ARHGAP44: variants seen among roughly 807,000 people sequenced by gnomAD.
ARHGAP44 encodes Rho GTPase activating protein 44.
In ARHGAP44, 43 loss-of-function variants were observed where a neutral mutation model predicts 106.8. The observed-to-expected ratio is 0.40, with a 90% CI of 0.32 to 0.52. ARHGAP44 has a LOEUF of 0.52. ARHGAP44 is among the 20% of genes least tolerant of loss of function. ARHGAP44 has a pLI of 0.48. For missense variants in ARHGAP44, 866 were observed against 1,050.5 expected, an observed-to-expected ratio of 0.82 and a Z score of 2.43; for synonymous variants, 439 against 410.3, an observed-to-expected ratio of 1.07 and a Z score of -0.85.
chr17:12,897,128 A>T (rs2037229235), intron 3 of ARHGAP44, among the ~76,000 whole-genome samples: 2 of 152,090 alleles, frequency 1.3e-5, no homozygotes, highest in South Asian at 4.2e-4. Context: ...TCTTGACCCC[A>T]TCCCTCTCAG....
At chr17:12,883,146 T>C (rs2036786010) in intron 1 of ARHGAP44, among the ~76,000 whole-genome samples, 3 of 150,026 alleles carry the variant, frequency 2.0e-5, no homozygotes, top group Admixed American at 1.3e-4. Flanking sequence ...TGTCTTGCTT[T>C]TGTTTTTCTA....
chr17:12,966,893 C>T (rs1000574682), intron 16 of ARHGAP44, among the ~76,000 whole-genome samples: 1 of 152,150 alleles, frequency 6.6e-6, no homozygotes, highest in Non-Finnish European at 1.5e-5. Context: ...TTCAGAGGTC[C>T]GTTCTGCTAA....
chr17:12,883,355 T>A (rs2036792030), intron 1 of ARHGAP44, among the ~76,000 whole-genome samples: 1 of 151,636 alleles, frequency 6.6e-6, no homozygotes, highest in South Asian at 2.1e-4. Flanking sequence ...TTAACCTATA[T>A]GATTTTTACT....
intron 2 of ARHGAP44, among the ~76,000 whole-genome samples, chr17:12,895,346 C>T (rs1202603754): frequency 2.0e-5 from 3 of 152,084 alleles, no homozygotes; most frequent in Admixed American, 6.6e-5. Context: ...ACAGTTAGCC[C>T]GAGGGTCCTG....
At chr17:12,817,013 C>G (rs1016180091) in intron 1 of ARHGAP44, among the ~76,000 whole-genome samples, 2 of 152,104 alleles carry the variant, frequency 1.3e-5, no homozygotes, top group African/African-American at 4.8e-5. Flanking sequence ...TGACTATATC[C>G]TCATCCATAA....
At chr17:12,827,421 T>G (rs931213194) in intron 1 of ARHGAP44, among the ~76,000 whole-genome samples, 14 of 152,212 alleles carry the variant, frequency 9.2e-5, no homozygotes, top group Non-Finnish European at 1.3e-4. Context: ...TTTATGAATG[T>G]CAAATAAAAA....
At position 12,801,547 on chromosome 17, in the gene ARHGAP44, A is replaced by G. The variant is rs540862413; in HGVS notation, c.53+11656A>G. ...ACTTTAATGACTCTGCAGTAGGGAA[A>G]GAAGCATAAACAATGAAATGTCTAA... On this transcript the variant is annotated intron_variant, in intron 1 of 20. Coordinates refer to ENST00000379672, the MANE Select transcript of ARHGAP44 (RefSeq NM_014859.6). Among the ~76,000 whole-genome samples, 9 of 152,380 alleles carry G rather than the reference A, an allele frequency of 5.9e-5. No homozygotes were observed. The South Asian group carries it at 6.2e-4, about 11-fold the overall frequency.
At chr17:12,802,964 TA>T (rs2034158724) in intron 1 of ARHGAP44, among the ~76,000 whole-genome samples, 19 of 20,014 alleles carry the variant, frequency 9.5e-4, no homozygotes, top group East Asian at 4.7e-3. Flanking sequence ...TATATATATA[TA>T]TATATTTTTT....
chr17:12,908,306 G>T (rs376381583), intron 3 of ARHGAP44, among the ~76,000 whole-genome samples: 148 of 146,452 alleles, frequency 1.0e-3, no homozygotes, highest in African/African-American at 3.6e-3. Context: ...AAGCCATTCT[G>T]CTGCCTCAGC....
chr17:12,920,633 A>G (rs886220320), intron 6 of ARHGAP44, among the ~76,000 whole-genome samples: 5 of 152,132 alleles, frequency 3.3e-5, no homozygotes, highest in Non-Finnish European at 5.9e-5. Flanking sequence ...AGCAAAGGGA[A>G]GAGAAGTAGG....
intron 14 of ARHGAP44, 71 bp downstream of exon 14, chr17:12,956,051 C>A: frequency 9.2e-7 from 1 of 1,090,194 alleles, no homozygotes; most frequent in Non-Finnish European, 1.4e-6. Flanking sequence ...GTGGGCAGGA[C>A]AGCTGGGGCC....
intron 3 of ARHGAP44, among the ~76,000 whole-genome samples, chr17:12,908,381 GA>G (rs2037626953): frequency 1.3e-5 from 2 of 151,866 alleles, no homozygotes; most frequent in African/African-American, 4.8e-5. Context: ...GTTATTAGTA[GA>G]GACGGGCTTT....
intron 1 of ARHGAP44, among the ~76,000 whole-genome samples, chr17:12,889,653 T>C (rs1267138579): frequency 1.3e-5 from 2 of 152,192 alleles, no homozygotes; most frequent in Non-Finnish European, 2.9e-5. Context: ...ATGCATTTGC[T>C]CCATCTCAAT....
At chr17:12,906,965 A>G (rs2037569032) in intron 3 of ARHGAP44, among the ~76,000 whole-genome samples, 1 of 150,482 alleles carries the variant, frequency 6.6e-6, no homozygotes, top group Non-Finnish European at 1.5e-5. Flanking sequence ...ACAAACAAAA[A>G]AAACAGAAAA....
chr17:12,872,992 T>C (rs1330615004), intron 1 of ARHGAP44, among the ~76,000 whole-genome samples: 1 of 152,188 alleles, frequency 6.6e-6, no homozygotes, highest in African/African-American at 2.4e-5. Context: ...TGCCATTTTT[T>C]CCCCTCCTCT....
At chr17:12,951,542 G>A (rs2143097516) in intron 12 of ARHGAP44, among the ~76,000 whole-genome samples, 1 of 152,290 alleles carries the variant, frequency 6.6e-6, no homozygotes, top group South Asian at 2.1e-4. Context: ...GTTAGATAAA[G>A]GCAGGATAGC....
At chr17:12,882,413 T>C (rs1219588520) in intron 1 of ARHGAP44, among the ~76,000 whole-genome samples, 2 of 152,158 alleles carry the variant, frequency 1.3e-5, no homozygotes, top group Non-Finnish European at 1.5e-5. Context: ...AATGTCAGTA[T>C]AGGTTCTTCC....
intron 1 of ARHGAP44, among the ~76,000 whole-genome samples, chr17:12,891,489 A>T (rs1444324223): frequency 1.3e-5 from 2 of 152,178 alleles, no homozygotes. Flanking sequence ...CTTTTATAAG[A>T]AACCCACCCT....
chr17:12,885,981 T>G (rs958113926), intron 1 of ARHGAP44, among the ~76,000 whole-genome samples: 5 of 152,122 alleles, frequency 3.3e-5, no homozygotes, highest in Middle Eastern at 3.2e-3. Context: ...TTTTATAACT[T>G]TTTTTAATTG....
Sources: allele counts gnomAD v4.1 joint callset (sites outside exome capture counted in the v4.1 genomes callset), GRCh38; gene constraint gnomAD v4.1.1; transcripts MANE v1.5; gene names NCBI Gene and HGNC (gene_info 2026-07-23, HGNC 2026-07-21).